Variants in BLTP1 observed in about 807,000 individuals in gnomAD.
The protein encoded by BLTP1 is bridge-like lipid transfer protein family member 1.
the BLTP1 span, chr4:122,299,745 C>A: frequency 6.7e-5 from 63 of 944,434 alleles, no homozygotes; most frequent in Non-Finnish European, 7.1e-5. Context: ...TACACACATA[C>A]ATATATGTAT....
chr4:122,332,727 C>T, the BLTP1 span, among the ~76,000 whole-genome samples: 1 of 143,184 alleles, frequency 7.0e-6, no homozygotes. Context: ...GTGTGCTGCA[C>T]CCACTAACTC....
chr4:122,220,746 A>T, the BLTP1 span, among the ~76,000 whole-genome samples: 1 of 152,144 alleles, frequency 6.6e-6, no homozygotes, highest in African/African-American at 2.4e-5. Flanking sequence ...ACTTTCTCAA[A>T]TATTTATGGA....
chr4:122,183,519 T>C, the BLTP1 span: 7 of 985,224 alleles, frequency 7.1e-6, no homozygotes, highest in Non-Finnish European at 8.4e-6. Context: ...CTGCAATCAA[T>C]ATTTATGATA....
chr4:122,247,132 A>G, the BLTP1 span: 1 of 1,592,936 alleles, frequency 6.3e-7, no homozygotes, highest in Non-Finnish European at 8.6e-7. Flanking sequence ...AATGTTAAAC[A>G]TTTTACTCTC....
chr4:122,353,259 G>A, the BLTP1 span: 1 of 1,505,718 alleles, frequency 6.6e-7, no homozygotes, highest in South Asian at 1.4e-5. The surrounding 1 kb of genome is among the most constrained non-coding windows in gnomAD (Gnocchi z 4.3). Flanking sequence ...TCATGTATCT[G>A]ACATGTTAAG....
the BLTP1 span, chr4:122,247,000 C>G: frequency 1.2e-6 from 1 of 836,960 alleles, no homozygotes; most frequent in Non-Finnish European, 1.4e-6. Flanking sequence ...TGTTTCTATT[C>G]ATAGTATCTT....
the BLTP1 span, among the ~76,000 whole-genome samples, chr4:122,340,468 C>T: frequency 6.6e-6 from 1 of 152,116 alleles, no homozygotes; most frequent in Admixed American, 6.6e-5. Flanking sequence ...CTAACAATCT[C>T]ATCAAGCATC....
At chr4:122,238,293 A>G in the BLTP1 span, 3 of 1,614,098 alleles carry the variant, frequency 1.9e-6, no homozygotes, top group Non-Finnish European at 1.7e-6. Context: ...GTTGCTGATG[A>G]CCATTTGGTT....
At chr4:122,220,683 G>T in the BLTP1 span, among the ~76,000 whole-genome samples, 1 of 152,006 alleles carries the variant, frequency 6.6e-6, no homozygotes, top group Admixed American at 6.6e-5. Flanking sequence ...CTATTTCTGT[G>T]ATCCCAATTA....
chr4:122,196,536 G>A, the BLTP1 span: 34 of 914,116 alleles, frequency 3.7e-5, no homozygotes, highest in South Asian at 2.7e-4. Flanking sequence ...AAATGTGATA[G>A]CAATGATAAT....
chr4:122,313,732 C>T, the BLTP1 span: 2 of 1,159,622 alleles, frequency 1.7e-6, no homozygotes, highest in East Asian at 5.1e-5. Context: ...AGAATTCTGC[C>T]TTTATTTTAA....
At chr4:122,232,421 T>C in the BLTP1 span, among the ~76,000 whole-genome samples, 34 of 152,246 alleles carry the variant, frequency 2.2e-4, no homozygotes, top group Admixed American at 6.5e-4. Context: ...AACAAACTTA[T>C]TTTTGTTTGT....
the BLTP1 span, chr4:122,349,740 C>CT: frequency 6.5e-5 from 100 of 1,535,072 alleles, no homozygotes; most frequent in Non-Finnish European, 7.3e-5. The surrounding 1 kb of genome is among the most constrained non-coding windows in gnomAD (Gnocchi z 4.5). Context: ...TTACAAAACT[C>CT]TTATTTATTA....
chr4:122,186,624 G>C, the BLTP1 span, among the ~76,000 whole-genome samples: 1 of 151,826 alleles, frequency 6.6e-6, no homozygotes, highest in African/African-American at 2.4e-5. Context: ...TCTGTAATTT[G>C]CTTTTTATGT....
the BLTP1 span, among the ~76,000 whole-genome samples, chr4:122,319,184 GTTGATTTTTCTCTA>G: frequency 6.6e-6 from 1 of 151,858 alleles, no homozygotes; most frequent in African/African-American, 2.4e-5. Flanking sequence ...CTTTGGTTTT[GTTGATTTTTCTCTA>G]TTGATTTCCT....
At chr4:122,268,403 A>G in the BLTP1 span, among the ~76,000 whole-genome samples, 2 of 152,282 alleles carry the variant, frequency 1.3e-5, no homozygotes, top group African/African-American at 4.8e-5. Flanking sequence ...TCAGCATTTT[A>G]TCCTTTGCAC....
the BLTP1 span, chr4:122,354,122 A>G: frequency 1.0e-6 from 1 of 993,758 alleles, no homozygotes; most frequent in Non-Finnish European, 1.5e-6. Context: ...ATTTCCTTAA[A>G]CAATTTTCAT....
the BLTP1 span, among the ~76,000 whole-genome samples, chr4:122,153,428 T>A: frequency 6.6e-6 from 1 of 152,216 alleles, no homozygotes; most frequent in South Asian, 2.1e-4. Flanking sequence ...ATTATGTGCA[T>A]ATATTATCAC....
At chr4:122,318,278 C>T in the BLTP1 span, 1 of 1,606,830 alleles carries the variant, frequency 6.2e-7, no homozygotes, top group Admixed American at 1.7e-5. Context: ...CGGGTGAGTT[C>T]TCTTTTTTCT....
Sources: gnomAD v4.1 joint callset for allele counts (sites outside exome capture counted in the v4.1 genomes callset) on GRCh38, gnomAD v4.1.1 for gene constraint, Gnocchi (gnomAD v3.1) non-coding constraint, MANE v1.5 for transcripts, NCBI Gene and HGNC (gene_info 2026-07-23, HGNC 2026-07-21) for gene names.